The following CAMTA1 variants were observed in gnomAD, a reference collection of about 807,000 sequenced individuals.
CAMTA1 encodes calmodulin binding transcription activator 1.
In CAMTA1, 27 loss-of-function variants were observed where a neutral mutation model predicts 170.9. The ratio of observed to expected loss-of-function variants is 0.16; its 90% CI spans 0.12 to 0.22. The LOEUF (loss-of-function observed/expected upper bound fraction) is 0.22. Among genes scored for constraint, CAMTA1 ranks in the 10% least tolerant of loss-of-function variants. The pLI, the probability that CAMTA1 is intolerant of heterozygous loss-of-function variation, is 1.00. For synonymous variants in CAMTA1, 833 were observed against 891.5 expected, an observed-to-expected ratio of 0.93 and a Z score of 1.17; for missense variants, 1,619 against 2,217.2, an observed-to-expected ratio of 0.73 and a Z score of 5.42.
chr1:7,088,531 G>A (rs1308845491), intron 3 of CAMTA1, among the ~76,000 whole-genome samples: 1 of 152,228 alleles, frequency 6.6e-6, no homozygotes, highest in Admixed American at 6.5e-5. Context: ...TGTTTGTAGA[G>A]TAAACACAGA....
At chr1:7,371,173 AATGTTGGGAT>A (rs2150055630) in intron 5 of CAMTA1, among the ~76,000 whole-genome samples, 1 of 151,568 alleles carries the variant, frequency 6.6e-6, no homozygotes, top group East Asian at 1.9e-4. Context: ...GGCCTCCCAA[AATGTTGGGAT>A]TACAGGCGTG....
intron 11 of CAMTA1, among the ~76,000 whole-genome samples, chr1:7,688,204 C>A (rs1287961671): frequency 1.3e-5 from 2 of 149,040 alleles, no homozygotes; most frequent in African/African-American, 5.0e-5. Flanking sequence ...AGAGTTTCAC[C>A]ATGTTGGCCA....
At chr1:7,526,137 G>A (rs932216204) in intron 6 of CAMTA1, among the ~76,000 whole-genome samples, 2 of 152,096 alleles carry the variant, frequency 1.3e-5, no homozygotes, top group African/African-American at 4.8e-5. Flanking sequence ...AGGCTTCCCA[G>A]GGAGGAGACA....
At chr1:7,704,436 C>A (rs992234853) in intron 11 of CAMTA1, among the ~76,000 whole-genome samples, 1 of 145,268 alleles carries the variant, frequency 6.9e-6, no homozygotes, top group Admixed American at 6.8e-5. Flanking sequence ...GGCGGAGCGG[C>A]GGGGACCGCG....
intron 6 of CAMTA1, among the ~76,000 whole-genome samples, chr1:7,615,643 A>G (rs561439484): frequency 4.6e-5 from 7 of 152,322 alleles, no homozygotes; most frequent in African/African-American, 1.7e-4. Context: ...ATTCTCCTAC[A>G]AGGGTAGAAG....
chr1:7,667,419 C>T (rs951459994), intron 9 of CAMTA1, among the ~76,000 whole-genome samples: 2 of 152,166 alleles, frequency 1.3e-5, no homozygotes, highest in African/African-American at 4.8e-5. Flanking sequence ...CTCTGGGGCT[C>T]AGTTTCCTTA....
At chr1:7,288,796 C>T (rs2149490929) in intron 5 of CAMTA1, among the ~76,000 whole-genome samples, 1 of 152,278 alleles carries the variant, frequency 6.6e-6, no homozygotes, top group East Asian at 1.9e-4. Flanking sequence ...GCAGCCAGCA[C>T]AGGCGGCTCT....
chr1:6,814,938 T>G (rs1645611166), intron 1 of CAMTA1, among the ~76,000 whole-genome samples: 1 of 152,158 alleles, frequency 6.6e-6, no homozygotes, highest in Admixed American at 6.5e-5. Context: ...CCATATACAA[T>G]GAATGTGCCT....
intron 3 of CAMTA1, among the ~76,000 whole-genome samples, chr1:7,060,413 C>A (rs1441362544): frequency 6.6e-6 from 1 of 152,222 alleles, no homozygotes; most frequent in Non-Finnish European, 1.5e-5. Context: ...GATCAGGGCC[C>A]ACACTGATAG....
chr1:7,580,337 TC>T lies in CAMTA1; in HGVS notation c.511-60062del, dbSNP rs5772283. Among the ~76,000 whole-genome samples the T allele has an allele frequency of 0.038, 5,767 of 151,900 alleles. 390 individuals carry two copies. Among genetic ancestry groups the T allele is most frequent in the African/African-American group, 0.13 (5,388 of 41,348 alleles). On this transcript the variant is annotated intron_variant, in intron 6 of 22. Transcript: ENST00000303635. The surrounding 1 kb of genome is among the most constrained non-coding windows in gnomAD (Gnocchi z 4.3). The stretch of plus-strand genomic sequence containing the variant: ...GGCAGGTGGAGAAGAGGAGGAGCTT[TC>T]TGGAAGGAAGCCCTGTGAATGAGGG...
At chr1:6,929,742 C>T (rs1218300456) in intron 3 of CAMTA1, among the ~76,000 whole-genome samples, 1 of 152,226 alleles carries the variant, frequency 6.6e-6, no homozygotes. Context: ...CGTGATCTGC[C>T]TGCCTCGGCC....
chr1:7,744,065 G>A (rs2096838579), intron 16 of CAMTA1, among the ~76,000 whole-genome samples: 1 of 150,700 alleles, frequency 6.6e-6, no homozygotes, highest in Non-Finnish European at 1.5e-5. Context: ...CTGACCTCGT[G>A]ATCCGCCAGC....
rs533071313 is a variant in CAMTA1 at position 7,357,859 on chromosome 1, G to T, written c.438+108233G>T. On this transcript the variant is annotated intron_variant, in intron 5 of 22. Transcript: ENST00000303635. ...CAGAGTGCCGGGCTGCTGGAGCTTG[G>T]GGTCCCTGCTCCCAGGTCCCTGTCC... 2.6e-5 allele frequency among the ~76,000 whole-genome samples: 4 copies of T among 152,240 alleles called. No homozygotes were observed. The East Asian group carries it at 7.7e-4, about 29-fold the overall frequency.
intron 4 of CAMTA1, among the ~76,000 whole-genome samples, chr1:7,211,866 T>C (rs539033180): frequency 4.9e-4 from 75 of 152,300 alleles, no homozygotes; most frequent in African/African-American, 1.7e-3. Context: ...CTTCTAAACA[T>C]CCGTGTTCAT....
At chr1:7,442,629 C>T (rs1397165586) in intron 5 of CAMTA1, among the ~76,000 whole-genome samples, 2 of 152,110 alleles carry the variant, frequency 1.3e-5, no homozygotes, top group Non-Finnish European at 2.9e-5. Context: ...AATCCTGCCT[C>T]CATGGTTTAC....
chr1:7,572,443 G>T (rs1450247824), intron 6 of CAMTA1, among the ~76,000 whole-genome samples: 1 of 152,122 alleles, frequency 6.6e-6, no homozygotes, highest in African/African-American at 2.4e-5. Context: ...GTATTTTCTA[G>T]CTTATCTTCC....
chr1:6,926,446 T>TTCTTTTC (rs746791132), intron 3 of CAMTA1, among the ~76,000 whole-genome samples: 2 of 55,746 alleles, frequency 3.6e-5, no homozygotes, highest in Non-Finnish European at 7.0e-5. Context: ...TTCTCTTTCT[T>TTCTTTTC]TCTTTCTTTC....
At chr1:7,459,944 G>A (rs758092106) in intron 5 of CAMTA1, among the ~76,000 whole-genome samples, 2 of 152,264 alleles carry the variant, frequency 1.3e-5, no homozygotes, top group Non-Finnish European at 2.9e-5. Flanking sequence ...TGAGCCATCA[G>A]TTCTCAGAGC....
chr1:7,165,922 T>C (rs2148795378), intron 4 of CAMTA1, among the ~76,000 whole-genome samples: 1 of 152,318 alleles, frequency 6.6e-6, no homozygotes, highest in Non-Finnish European at 1.5e-5. Flanking sequence ...GTGTATGTAA[T>C]AGGTATTATG....
Sources: allele counts gnomAD v4.1 joint callset (sites outside exome capture counted in the v4.1 genomes callset), GRCh38; gene constraint gnomAD v4.1.1; non-coding constraint Gnocchi (gnomAD v3.1); transcripts MANE v1.5; gene names NCBI Gene and HGNC (gene_info 2026-07-23, HGNC 2026-07-21).